Variants in STPG2 observed in about 807,000 individuals in gnomAD.
STPG2 encodes the protein sperm-tail PG-rich repeat-containing protein 2.
STPG2 carries 56 observed loss-of-function variants against 54.2 expected under a neutral mutation model. The observed-to-expected ratio is 1.03, with a 90% CI of 0.83 to 1.29. STPG2 has a LOEUF of 1.29. STPG2 is among the 50% of genes most tolerant of loss of function. STPG2 has a pLI of 0.00. For synonymous variants in STPG2, 200 were observed against 181.8 expected (o/e 1.10, Z -0.81); for missense variants, 596 against 544.9 (o/e 1.09, Z -0.93).
At chr4:97,660,021 G>C (rs1034046250) in intron 10 of STPG2, among the ~76,000 whole-genome samples, 3 of 92,236 alleles carry the variant, frequency 3.3e-5, no homozygotes. Flanking sequence ...TTTTTTTTTT[G>C]AGACGGAGTC....
At chr4:97,562,265 T>G (rs2148875385) in intron 10 of STPG2, among the ~76,000 whole-genome samples, 1 of 152,330 alleles carries the variant, frequency 6.6e-6, no homozygotes, top group African/African-American at 2.4e-5. Context: ...TGTATAAGAA[T>G]GCCTGTGATT....
intron 10 of STPG2, among the ~76,000 whole-genome samples, chr4:97,641,428 G>A (rs889515299): frequency 2.7e-5 from 4 of 149,094 alleles, no homozygotes; most frequent in Non-Finnish European, 5.9e-5. Context: ...GTATACTCAT[G>A]CATATATATA....
At chr4:97,724,086 C>G (rs1230288245) in intron 9 of STPG2, among the ~76,000 whole-genome samples, 1 of 152,172 alleles carries the variant, frequency 6.6e-6, no homozygotes, top group Non-Finnish European at 1.5e-5. Context: ...TAATCTGTCT[C>G]TGAATTTTCT....
At chr4:98,055,301 T>C (rs1164792001) in intron 5 of STPG2, among the ~76,000 whole-genome samples, 1 of 151,136 alleles carries the variant, frequency 6.6e-6, no homozygotes, top group Admixed American at 6.6e-5. Flanking sequence ...GCCAACTAGA[T>C]GCAGACAAGT....
intron 10 of STPG2, among the ~76,000 whole-genome samples, chr4:97,619,576 G>A (rs1214967474): frequency 7.4e-6 from 1 of 135,724 alleles, no homozygotes; most frequent in Non-Finnish European, 1.6e-5. Context: ...CCCATATGCT[G>A]TTTCTCTGAT....
intron 7 of STPG2, among the ~76,000 whole-genome samples, chr4:97,969,021 C>A (rs985764091): frequency 6.6e-6 from 1 of 152,122 alleles, no homozygotes; most frequent in African/African-American, 2.4e-5. Flanking sequence ...TATAAACAGA[C>A]GCATGAAGGG....
chr4:98,105,171 C>A (rs1279651920), intron 5 of STPG2, among the ~76,000 whole-genome samples: 1 of 152,186 alleles, frequency 6.6e-6, no homozygotes, highest in Non-Finnish European at 1.5e-5. Context: ...TTTATTCTGA[C>A]CAAAAGGCAT....
chr4:97,881,123 C>T (rs1730355997), intron 8 of STPG2, among the ~76,000 whole-genome samples: 1 of 151,698 alleles, frequency 6.6e-6, no homozygotes, highest in Non-Finnish European at 1.5e-5. Flanking sequence ...TCCCCTGGAT[C>T]TGGTAAAAAC....
At chr4:97,516,309 G>A (rs1018061589) in intron 4 of STPG2, among the ~76,000 whole-genome samples, 1 of 152,008 alleles carries the variant, frequency 6.6e-6, no homozygotes, top group Non-Finnish European at 1.5e-5. Flanking sequence ...AAATTTTAAG[G>A]TTAAAGGTAA....
At chr4:98,014,032 T>G (rs1028956685) in intron 5 of STPG2, among the ~76,000 whole-genome samples, 2 of 152,146 alleles carry the variant, frequency 1.3e-5, no homozygotes, top group African/African-American at 2.4e-5. Flanking sequence ...TGTTTGCTCT[T>G]GCTTCTCTAG....
At chr4:97,978,246 C>G (rs982270311) in intron 6 of STPG2, among the ~76,000 whole-genome samples, 3 of 152,088 alleles carry the variant, frequency 2.0e-5, no homozygotes, top group African/African-American at 7.2e-5. Flanking sequence ...CTATTCACAA[C>G]AGCAAAGACA....
intron 9 of STPG2, among the ~76,000 whole-genome samples, chr4:97,831,136 C>G (rs1252880147): frequency 2.6e-5 from 4 of 152,306 alleles, no homozygotes; most frequent in Non-Finnish European, 2.9e-5. Context: ...AAACACTCTT[C>G]AGCAAATGCA....
chr4:97,803,316 A>G (rs1727452846), intron 9 of STPG2, among the ~76,000 whole-genome samples: 1 of 152,204 alleles, frequency 6.6e-6, no homozygotes, highest in Non-Finnish European at 1.5e-5. Context: ...TGTATTTCAA[A>G]ATGAGAAATA....
chr4:97,718,888 T>A (rs1724368635), intron 9 of STPG2, among the ~76,000 whole-genome samples: 1 of 151,928 alleles, frequency 6.6e-6, no homozygotes, highest in Non-Finnish European at 1.5e-5. Flanking sequence ...CTTTCAAAGC[T>A]TCTCATCAAC....
rs1457456012 is a variant in STPG2, at chr4:97,953,917, G to C, written c.934-9910C>G. On this transcript the variant is annotated intron_variant, in intron 7 of 10. Coordinates refer to ENST00000295268, the MANE Select transcript of STPG2 (RefSeq NM_174952.3). ...AGTGAGAATTGCTATACACTATTTT[G>C]TCTTTCCAAATAGAATAGGCATTGT... Among the ~76,000 whole-genome samples, 3 of 152,230 alleles carry C rather than the reference G, an allele frequency of 2.0e-5. 1 individual carries two copies. The East Asian group carries it at 5.8e-4, about 29-fold the overall frequency.
chr4:97,917,860 T>C (rs1042593085), intron 8 of STPG2, among the ~76,000 whole-genome samples: 2 of 152,098 alleles, frequency 1.3e-5, no homozygotes, highest in Non-Finnish European at 2.9e-5. Context: ...TTATTAAATA[T>C]TTCATAACTA....
Position 97,953,267 on chromosome 4 carries a change from A to T in STPG2, c.934-9260T>A, listed in dbSNP as rs186670237. Among the ~76,000 whole-genome samples, 662 of 152,282 alleles carry T rather than the reference A, an allele frequency of 4.3e-3. 3 individuals carry two copies. Among genetic ancestry groups the T allele is most frequent in the South Asian group, 0.024 (117 of 4,824 alleles). ...AAATGAGTTTGTACAGGGAGTCAGG[A>T]GTAGCAGGTGGCAGTAAACCCCGTC... On this transcript the variant is annotated intron_variant, in intron 7 of 10. Transcript: ENST00000295268.
At chr4:97,795,914 T>A (rs1727158327) in intron 9 of STPG2, among the ~76,000 whole-genome samples, 1 of 152,214 alleles carries the variant, frequency 6.6e-6, no homozygotes, top group East Asian at 1.9e-4. Flanking sequence ...AGATGATATC[T>A]CATTGTGGTT....
chr4:97,736,937 G>A (rs967687203), intron 9 of STPG2, among the ~76,000 whole-genome samples: 1 of 152,148 alleles, frequency 6.6e-6, no homozygotes, highest in Admixed American at 6.5e-5. Context: ...TGACCCCCCA[G>A]CAGCCTAACA....
Sources: gnomAD v4.1 joint callset for allele counts (sites outside exome capture counted in the v4.1 genomes callset) on GRCh38, gnomAD v4.1.1 for gene constraint, MANE v1.5 for transcripts, NCBI Gene and HGNC (gene_info 2026-07-23, HGNC 2026-07-21) for gene names.